Variants in MACROD2 observed in about 807,000 individuals in gnomAD.
The protein encoded by MACROD2 is ADP-ribose glycohydrolase MACROD2.
A neutral mutation model predicts 70.4 loss-of-function variants in MACROD2; 36 were observed. The ratio of observed to expected loss-of-function variants is 0.51; its 90% CI spans 0.39 to 0.68. The LOEUF is 0.68. MACROD2 is among the 30% of genes least tolerant of loss of function. The probability of loss-of-function intolerance (pLI) is 0.00; values close to 1 mark genes in which losing one functional copy is unlikely to be tolerated. For missense variants in MACROD2, 496 were observed against 538.4 expected (o/e 0.92, Z 0.78); for synonymous variants, 172 against 178.8 (o/e 0.96, Z 0.30).
intron 2 of MACROD2, among the ~76,000 whole-genome samples, chr20:14,083,914 A>G (rs1464412699): frequency 6.6e-6 from 1 of 151,790 alleles, no homozygotes; most frequent in Non-Finnish European, 1.5e-5. Flanking sequence ...ACAAAAAACT[A>G]GCCGGGCCTG....
chr20:14,707,874 GT>G lies in MACROD2; in HGVS notation c.418+22918del, dbSNP rs1410295602. Among the ~76,000 whole-genome samples, 9 of 152,154 alleles carry G rather than the reference GT, an allele frequency of 5.9e-5. No individual in the cohort carries two copies. The South Asian group carries it at 6.2e-4, about 11-fold the overall frequency. On this transcript the variant is annotated intron_variant, in intron 5 of 17. Coordinates refer to ENST00000684519, the MANE Select transcript of MACROD2 (RefSeq NM_001351661.2). ...TCCACATTAAAATAATACTCATAAG[GT>G]TTGGATTAATAGAAAATACTCATAT...
chr20:15,059,280 G>C (rs1285774290), intron 5 of MACROD2, among the ~76,000 whole-genome samples: 2 of 152,100 alleles, frequency 1.3e-5, no homozygotes, highest in African/African-American at 4.8e-5. Context: ...AGCTACTCAG[G>C]AGGCTGAGGC....
At chr20:15,334,650 A>T (rs919451971) in intron 6 of MACROD2, among the ~76,000 whole-genome samples, 13 of 151,692 alleles carry the variant, frequency 8.6e-5, no homozygotes, top group Admixed American at 5.3e-4. Flanking sequence ...GATAATTAAC[A>T]TTCACTGAGT....
At chr20:15,480,846 G>A (rs1456478466) in intron 7 of MACROD2, among the ~76,000 whole-genome samples, 1 of 152,036 alleles carries the variant, frequency 6.6e-6, no homozygotes, top group Non-Finnish European at 1.5e-5. Context: ...TGGGAAGCCT[G>A]TACTTCCCAG....
At chr20:16,003,827 C>T (rs1027163681) in intron 15 of MACROD2, among the ~76,000 whole-genome samples, 3 of 152,138 alleles carry the variant, frequency 2.0e-5, no homozygotes, top group Admixed American at 6.5e-5. Context: ...AGCACCACCA[C>T]GCCCGGCTAA....
chr20:15,130,102 C>G (rs2076094450), intron 5 of MACROD2, among the ~76,000 whole-genome samples: 1 of 151,984 alleles, frequency 6.6e-6, no homozygotes. Flanking sequence ...AATAACACTT[C>G]CAAAAGTATA....
chr20:14,214,814 T>A (rs1490725185), intron 3 of MACROD2, among the ~76,000 whole-genome samples: 3 of 151,968 alleles, frequency 2.0e-5, no homozygotes, highest in Non-Finnish European at 2.9e-5. Flanking sequence ...TTTTGTGTCC[T>A]CATAGCTTAG....
rs1555788820 is a variant in MACROD2 at position 15,869,238 on chromosome 20, T to TAGAGAGAGAGAGAGAGAGAG, written c.727+6423_727+6442dup. ...ATATATATATATATATATATATATA[T>TAGAGAGAGAGAGAGAGAGAG]AGAGAGAGAGAGAGAGAGAGAGAGA... On this transcript the variant is annotated intron_variant, in intron 9 of 17. Transcript: ENST00000684519. Among the ~76,000 whole-genome samples, 67 of 28,290 alleles carry TAGAGAGAGAGAGAGAGAGAG rather than the reference T, an allele frequency of 2.4e-3. 2 individuals are homozygous for TAGAGAGAGAGAGAGAGAGAG. The highest frequency in any genetic ancestry group is 5.6e-3 in the East Asian group (6 of 1,068). 18.6% of individuals were successfully genotyped at this position (28,290 alleles called of 152,430 possible). A position where few individuals can be genotyped will look rare whatever the true frequency, so the allele number is the denominator to read the frequency against.
intron 3 of MACROD2, among the ~76,000 whole-genome samples, chr20:14,437,146 T>C (rs1191011773): frequency 6.6e-6 from 1 of 152,220 alleles, no homozygotes; most frequent in Non-Finnish European, 1.5e-5. Context: ...AAGAGTTAGC[T>C]GCATAAAGCA....
chr20:15,575,370 AGAATGAATGAATACCAT>A (rs1430817276), intron 8 of MACROD2, among the ~76,000 whole-genome samples: 11 of 152,320 alleles, frequency 7.2e-5, no homozygotes, highest in African/African-American at 1.9e-4. Context: ...ATTTACCAGC[AGAATGAATGAATACCAT>A]GAATGAATGA....
At chr20:15,927,929 G>A (rs73900809) in intron 10 of MACROD2, among the ~76,000 whole-genome samples, 2,297 of 152,220 alleles carry the variant, frequency 0.015, 43 homozygotes, top group African/African-American at 0.047. Context: ...GGGGTCACAG[G>A]GTTTGGACAG....
chr20:15,498,635 A>C (rs190130598), intron 7 of MACROD2, among the ~76,000 whole-genome samples: 3 of 152,172 alleles, frequency 2.0e-5, no homozygotes, highest in African/African-American at 7.2e-5. Context: ...ATCAAGACAG[A>C]AGTAGATTAA....
chr20:15,070,980 C>G (rs1356708174), intron 5 of MACROD2, among the ~76,000 whole-genome samples: 3 of 151,252 alleles, frequency 2.0e-5, no homozygotes, highest in Non-Finnish European at 4.4e-5. Flanking sequence ...AGCAAGCAAC[C>G]AACTTGTGGT....
At chr20:15,050,533 CTTTTTTTTTTTT>C (rs386393390) in intron 5 of MACROD2, among the ~76,000 whole-genome samples, 2 of 77,876 alleles carry the variant, frequency 2.6e-5, no homozygotes, top group Admixed American at 1.4e-4. Flanking sequence ...CTATTTAGGT[CTTTTTTTTTTTT>C]TTTTTTTTTT....
At chr20:14,344,576 G>T (rs1443353818) in intron 3 of MACROD2, among the ~76,000 whole-genome samples, 1 of 152,088 alleles carries the variant, frequency 6.6e-6, no homozygotes, top group Non-Finnish European at 1.5e-5. Context: ...CATTTGAAGT[G>T]TATTCATGCT....
chr20:15,159,618 AGATT>A (rs1279901265), intron 5 of MACROD2, among the ~76,000 whole-genome samples: 4 of 23,240 alleles, frequency 1.7e-4, no homozygotes, highest in African/African-American at 3.2e-4. Context: ...TTATGTAAGG[AGATT>A]GATTGATTGG....
chr20:14,217,122 G>A (rs564620724), intron 3 of MACROD2, among the ~76,000 whole-genome samples: 8 of 152,104 alleles, frequency 5.3e-5, no homozygotes, highest in South Asian at 2.1e-4. Flanking sequence ...TTCCCCATTC[G>A]GTATTTTGTT....
intron 6 of MACROD2, among the ~76,000 whole-genome samples, chr20:15,382,257 T>C (rs1423747302): frequency 6.6e-6 from 1 of 152,128 alleles, no homozygotes; most frequent in Non-Finnish European, 1.5e-5. Context: ...GGCCTGGCAA[T>C]GAAAGGCTCC....
chr20:15,569,391 G>A (rs1168210258), intron 8 of MACROD2, among the ~76,000 whole-genome samples: 1 of 152,158 alleles, frequency 6.6e-6, no homozygotes, highest in Non-Finnish European at 1.5e-5. Context: ...TATCGTTTTT[G>A]TGGTAAGAAC....
Sources: gnomAD v4.1 joint callset for allele counts (sites outside exome capture counted in the v4.1 genomes callset) on GRCh38, gnomAD v4.1.1 for gene constraint, MANE v1.5 for transcripts, NCBI Gene and HGNC (gene_info 2026-07-23, HGNC 2026-07-21) for gene names.